DOCK1: variants seen among roughly 807,000 people sequenced by gnomAD.
The protein encoded by DOCK1 is dedicator of cytokinesis 1, also known as dedicator of cytokinesis protein 1.
A neutral mutation model predicts 262.7 loss-of-function variants in DOCK1; 138 were observed. That is an observed-to-expected ratio of 0.53 (90% CI 0.46 to 0.61). DOCK1 has a LOEUF of 0.61. Among genes scored for constraint, DOCK1 ranks in the 20% least tolerant of loss-of-function variants. The pLI is 0.00. For missense variants in DOCK1, 1,908 were observed against 2,370.7 expected, an observed-to-expected ratio of 0.80 and a Z score of 4.05; for synonymous variants, 866 against 867.4, an observed-to-expected ratio of 1.00 and a Z score of 0.03.
chr10:127,445,424 A>G (rs1353048026), intron 50 of DOCK1, among the ~76,000 whole-genome samples: 1 of 152,168 alleles, frequency 6.6e-6, no homozygotes, highest in African/African-American at 2.4e-5. Flanking sequence ...GCAGGAGTGG[A>G]TGCGTGAGTC....
intron 23 of DOCK1, among the ~76,000 whole-genome samples, chr10:127,105,952 G>T (rs2048504080): frequency 6.6e-6 from 1 of 152,056 alleles, no homozygotes; most frequent in Admixed American, 6.6e-5. Context: ...TTTTGTAAAG[G>T]TGGAATTTCG....
chr10:127,261,280 C>A (rs1431425996), intron 29 of DOCK1, among the ~76,000 whole-genome samples: 1 of 75,994 alleles, frequency 1.3e-5, no homozygotes, highest in Non-Finnish European at 2.5e-5. Flanking sequence ...TGTGTGCCTG[C>A]ATGTGTGTGC....
chr10:127,147,427 C>G (rs2051989201), intron 27 of DOCK1, among the ~76,000 whole-genome samples: 1 of 152,170 alleles, frequency 6.6e-6, no homozygotes, highest in African/African-American at 2.4e-5. Context: ...GTCTGCTTTG[C>G]CAGGTCGGGC....
rs754439781 is a variant in DOCK1, at chr10:127,052,692, A to C, written c.2213A>C (p.Lys738Thr). Residue 738 changes from lysine to threonine, a missense_variant, in exon 22 of 52, where the codon AAA becomes ACA. Lys to Thr is a moderately conservative substitution (Grantham distance 78). This residue lies in a region of DOCK1 where 518 missense variants were observed against 575.1 expected (regional missense o/e 0.90). Coordinates refer to ENST00000623213, the MANE Select transcript of DOCK1 (RefSeq NM_001290223.2). ...TGCATTGTGAATAGGAAGTTGACAA[A>C]AGTGTTGAAGAACTACGTGGACGGT... ...SATLAYTKLT[K>T]VLKNYVDGAE... The C allele has an allele frequency of 6.2e-7, 1 of 1,614,006 alleles. No individual in the cohort carries two copies.
At chr10:127,447,677 C>T (rs564047348) in intron 51 of DOCK1, 132 bp downstream of exon 51, 13 of 1,399,700 alleles carry the variant, frequency 9.3e-6, no homozygotes, top group African/African-American at 4.3e-5. Context: ...ATGATGGGCC[C>T]GGGTTTGATT....
chr10:127,107,157 A>G (rs1418030069), intron 24 of DOCK1, among the ~76,000 whole-genome samples: 1 of 152,150 alleles, frequency 6.6e-6, no homozygotes, highest in Non-Finnish European at 1.5e-5. Context: ...CAGACATTCA[A>G]TAGCACAGTC....
intron 33 of DOCK1, among the ~76,000 whole-genome samples, chr10:127,373,291 G>T (rs1397972674): frequency 3.3e-5 from 5 of 152,002 alleles, no homozygotes; most frequent in Admixed American, 6.6e-5. Flanking sequence ...CATTTTTTCA[G>T]CCAGAGTGAG....
In DOCK1 at chr10:127,260,966, TGG is replaced by T. The variant is rs1490363116; in HGVS notation, c.3044+3539_3044+3540del. Among the ~76,000 whole-genome samples the T allele has an allele frequency of 9.1e-5, 8 of 87,988 alleles. 1 individual carries two copies. The highest frequency in any genetic ancestry group is 7.8e-4 in the Admixed American group (6 of 7,722). 57.7% of individuals were successfully genotyped at this position (87,988 alleles called of 152,430 possible). The stretch of plus-strand genomic sequence containing the variant: ...CCGTGCTCATCTGTGTGTGTGCATG[TGG>T]GTGTGTGTGTGTGTACCCGTGCTCA... On this transcript the variant is annotated intron_variant, in intron 29 of 51. Coordinates refer to ENST00000623213, the MANE Select transcript of DOCK1 (RefSeq NM_001290223.2).
At chr10:127,197,123 A>T (rs2057229990) in intron 27 of DOCK1, among the ~76,000 whole-genome samples, 1 of 152,042 alleles carries the variant, frequency 6.6e-6, no homozygotes, top group Non-Finnish European at 1.5e-5. Flanking sequence ...CTACATGGGG[A>T]CAGGAGGTCC....
At chr10:127,172,230 G>C (rs556902857) in intron 27 of DOCK1, among the ~76,000 whole-genome samples, 3 of 152,276 alleles carry the variant, frequency 2.0e-5, no homozygotes, top group African/African-American at 7.2e-5. Flanking sequence ...TCAAGGGATT[G>C]GTTGGGTGCT....
At chr10:127,392,295 A>T (rs1472304107) in intron 38 of DOCK1, among the ~76,000 whole-genome samples, 1 of 151,942 alleles carries the variant, frequency 6.6e-6, no homozygotes, top group Non-Finnish European at 1.5e-5. Context: ...CTCCCAGGTG[A>T]TGTCCCAGCT....
chr10:127,257,620 C>T (rs1232527918), intron 29 of DOCK1, 191 bp downstream of exon 29: 2 of 453,152 alleles, frequency 4.4e-6, no homozygotes, highest in Non-Finnish European at 4.0e-6. Context: ...TATGACAACA[C>T]AGGGCTCTGG....
intron 29 of DOCK1, among the ~76,000 whole-genome samples, chr10:127,307,184 G>A (rs2061906078): frequency 6.6e-6 from 1 of 152,130 alleles, no homozygotes; most frequent in Admixed American, 6.5e-5. Flanking sequence ...TTGTATTTAA[G>A]TCTTCTGTGT....
Position 127,012,831 on chromosome 10 carries a change from C to A in DOCK1, c.1201+457C>A, listed in dbSNP as rs1199487388. ...TTTTTAATCCTGCACTGACACGTTT[C>A]TGAGCAGCTGACCTGCTGCTGGCAG... On this transcript the variant is annotated intron_variant, in intron 12 of 51. Coordinates refer to ENST00000623213, the MANE Select transcript of DOCK1 (RefSeq NM_001290223.2). The surrounding 1 kb of genome is among the most constrained non-coding windows in gnomAD (Gnocchi z 4.0). Among the ~76,000 whole-genome samples, 2 of 152,226 alleles carry A rather than the reference C, an allele frequency of 1.3e-5. No homozygotes were observed. The highest frequency in any genetic ancestry group is 2.9e-5 in the Non-Finnish European group (2 of 68,046).
At chr10:127,370,753 C>A (rs572195707) in intron 33 of DOCK1, among the ~76,000 whole-genome samples, 1 of 152,126 alleles carries the variant, frequency 6.6e-6, no homozygotes, top group East Asian at 1.9e-4. Flanking sequence ...GACTCCGTCA[C>A]GTCAATTTAA....
At chr10:126,970,945 G>C (rs759287036) in intron 2 of DOCK1, among the ~76,000 whole-genome samples, 160 bp downstream of exon 2, 2 of 152,140 alleles carry the variant, frequency 1.3e-5, no homozygotes, top group African/African-American at 2.4e-5. Context: ...TTTCAGGTAA[G>C]GGTAGTAGTG....
intron 23 of DOCK1, among the ~76,000 whole-genome samples, chr10:127,103,640 C>G (rs1476333464): frequency 1.3e-5 from 2 of 152,164 alleles, no homozygotes; most frequent in Non-Finnish European, 2.9e-5. Flanking sequence ...GTTGGGGATG[C>G]AGATGACCAG....
rs117672168 is a variant in DOCK1 at position 127,124,047 on chromosome 10, C to T, written c.2624-1427C>T. Among the ~76,000 whole-genome samples the T allele has an allele frequency of 7.2e-3, 1,094 of 152,290 alleles. 7 individuals carry two copies. Among genetic ancestry groups the T allele is most frequent in the Non-Finnish European group, 0.012 (830 of 68,020 alleles). Reference sequence around the variant, plus strand: ...ATTGGGGAAGGCCTTGGCCATGAGCCGCCCACATGTGATCCGCTGGAGACA... The same window carrying T: ...ATTGGGGAAGGCCTTGGCCATGAGCTGCCCACATGTGATCCGCTGGAGACA... On this transcript the variant is annotated intron_variant, in intron 25 of 51. Coordinates refer to ENST00000623213, the MANE Select transcript of DOCK1 (RefSeq NM_001290223.2).
intron 1 of DOCK1, among the ~76,000 whole-genome samples, chr10:126,962,932 T>C (rs1270537791): frequency 6.6e-6 from 1 of 152,218 alleles, no homozygotes; most frequent in Non-Finnish European, 1.5e-5. Context: ...AACTTCATTT[T>C]TTTTTGCAAG....
Sources: gnomAD v4.1 joint callset for allele counts (sites outside exome capture counted in the v4.1 genomes callset) on GRCh38, gnomAD v4.1.1 for gene constraint, gnomAD v4.1.1 regional missense constraint, Gnocchi (gnomAD v3.1) non-coding constraint, MANE v1.5 for transcripts, NCBI Gene and HGNC (gene_info 2026-07-23, HGNC 2026-07-21) for gene names.